The following NLGN1 variants were observed in gnomAD, a reference collection of about 807,000 sequenced individuals.
NLGN1 encodes the protein neuroligin 1.
NLGN1 carries 12 observed loss-of-function variants against 65.5 expected under a neutral mutation model. The observed-to-expected ratio is 0.18, with a 90% CI of 0.12 to 0.30. The LOEUF (loss-of-function observed/expected upper bound fraction) is 0.30. Ranked by LOEUF, NLGN1 falls within the 10% of genes least tolerant of loss-of-function variation. NLGN1 has a pLI of 1.00. For synonymous variants in NLGN1, 350 were observed against 359.5 expected, an observed-to-expected ratio of 0.97 and a Z score of 0.30; for missense variants, 750 against 1,007.1, an observed-to-expected ratio of 0.74 and a Z score of 3.46.
At chr3:173,799,575 A>G (rs1714947161) in intron 3 of NLGN1, among the ~76,000 whole-genome samples, 1 of 151,950 alleles carries the variant, frequency 6.6e-6, no homozygotes, top group Non-Finnish European at 1.5e-5. Flanking sequence ...CTCGGTAACT[A>G]CCTTAATAGC....
intron 4 of NLGN1, among the ~76,000 whole-genome samples, chr3:174,185,404 G>T (rs968033914): frequency 6.6e-6 from 1 of 151,974 alleles, no homozygotes; most frequent in Non-Finnish European, 1.5e-5. Context: ...GCCACTGAAC[G>T]CTTGAAATGT....
intron 3 of NLGN1, among the ~76,000 whole-genome samples, chr3:173,723,530 T>C (rs1246260875): frequency 6.6e-6 from 1 of 152,170 alleles, no homozygotes; most frequent in Admixed American, 6.5e-5. Flanking sequence ...TAAATTCAAA[T>C]GTGTAGTCCC....
At chr3:174,265,034 C>G (rs13067660) in intron 4 of NLGN1, among the ~76,000 whole-genome samples, 6 of 152,200 alleles carry the variant, frequency 3.9e-5, no homozygotes, top group Admixed American at 1.3e-4. Flanking sequence ...GCAGTCTGCC[C>G]GTTCTCAGAT....
intron 2 of NLGN1, among the ~76,000 whole-genome samples, chr3:173,504,531 G>A (rs1393728320): frequency 1.3e-5 from 2 of 151,920 alleles, no homozygotes; most frequent in Non-Finnish European, 2.9e-5. Flanking sequence ...TTGATATTAT[G>A]GAGACCCTTG....
chr3:173,741,829 C>G (rs1278588445), intron 3 of NLGN1, among the ~76,000 whole-genome samples: 1 of 152,084 alleles, frequency 6.6e-6, no homozygotes, highest in Non-Finnish European at 1.5e-5. Flanking sequence ...GAAACATAAT[C>G]ATGATCCAGC....
intron 4 of NLGN1, among the ~76,000 whole-genome samples, chr3:174,200,620 C>G (rs1350727259): frequency 6.6e-6 from 1 of 152,172 alleles, no homozygotes; most frequent in Non-Finnish European, 1.5e-5. Flanking sequence ...GGATAGATTT[C>G]ATAGAAAGTG....
At chr3:173,841,417 T>C (rs760676413) in intron 4 of NLGN1, among the ~76,000 whole-genome samples, 74 of 152,260 alleles carry the variant, frequency 4.9e-4, no homozygotes, top group African/African-American at 1.8e-3. Context: ...ATAAAATATG[T>C]GGAACAGGAG....
chr3:173,434,084 T>A (rs1717660531), intron 1 of NLGN1, among the ~76,000 whole-genome samples: 1 of 152,148 alleles, frequency 6.6e-6, no homozygotes, highest in Non-Finnish European at 1.5e-5. Context: ...AATTCTAGAA[T>A]CGACTTTAAT....
chr3:173,873,755 C>A (rs1264212676), intron 4 of NLGN1, among the ~76,000 whole-genome samples: 2 of 152,158 alleles, frequency 1.3e-5, no homozygotes, highest in African/African-American at 4.8e-5. Context: ...AGCTGCACAG[C>A]CTGTCTCTTG....
chr3:173,669,034 G>A (rs551631130), intron 3 of NLGN1, among the ~76,000 whole-genome samples: 1 of 152,314 alleles, frequency 6.6e-6, no homozygotes, highest in South Asian at 2.1e-4. Context: ...ATTATCATAA[G>A]TGTAAAGCTA....
At chr3:173,788,582 A>T (rs1397841637) in intron 3 of NLGN1, among the ~76,000 whole-genome samples, 1 of 152,118 alleles carries the variant, frequency 6.6e-6, no homozygotes, top group African/African-American at 2.4e-5. Flanking sequence ...AATGAAAAAA[A>T]ATCAAGAGCT....
At chr3:174,015,072 T>A (rs1560845185) in intron 4 of NLGN1, among the ~76,000 whole-genome samples, 1 of 152,178 alleles carries the variant, frequency 6.6e-6, no homozygotes, top group Non-Finnish European at 1.5e-5. Flanking sequence ...TTACCTTGTC[T>A]CAAAGTGGCG....
chr3:173,605,307 C>T (rs918927765), intron 3 of NLGN1, among the ~76,000 whole-genome samples: 1 of 152,028 alleles, frequency 6.6e-6, no homozygotes, highest in African/African-American at 2.4e-5. Context: ...CTTTCCTCCA[C>T]AGCACGTATA....
intron 1 of NLGN1, among the ~76,000 whole-genome samples, chr3:173,419,972 A>AAAAATAAAATAAAATAAAAT (rs750740710): frequency 3.8e-4 from 54 of 142,752 alleles, no homozygotes; most frequent in African/African-American, 1.4e-3. Context: ...ACTCAGTCTC[A>AAAAATAAAATAAAATAAAAT]AAAATAAAAT....
chr3:173,682,168 ATTATATGAAAGAG>A (rs1395533767), intron 3 of NLGN1, among the ~76,000 whole-genome samples: 1 of 152,182 alleles, frequency 6.6e-6, no homozygotes, highest in Admixed American at 6.6e-5. Context: ...TTTTGAAAGA[ATTATATGAAAGAG>A]TTTATGTACA....
intron 4 of NLGN1, among the ~76,000 whole-genome samples, chr3:174,133,590 G>A (rs530370239): frequency 5.1e-4 from 78 of 152,198 alleles, no homozygotes; most frequent in African/African-American, 1.9e-3. Context: ...AAGAGGCTTT[G>A]ACAATCCGAG....
intron 4 of NLGN1, among the ~76,000 whole-genome samples, chr3:173,881,581 C>G (rs9857081): frequency 2.1e-4 from 32 of 151,746 alleles, no homozygotes; most frequent in Non-Finnish European, 4.3e-4. Flanking sequence ...CCCGCCACCA[C>G]GCCTGGCTAA....
intron 4 of NLGN1, among the ~76,000 whole-genome samples, chr3:173,909,687 T>C (rs1739185490): frequency 1.3e-5 from 2 of 152,192 alleles, no homozygotes; most frequent in African/African-American, 2.4e-5. Context: ...CATTTACTTA[T>C]GTATTTTTTG....
chr3:173,578,131 G>A (rs1319226804), intron 2 of NLGN1, among the ~76,000 whole-genome samples: 1 of 151,902 alleles, frequency 6.6e-6, no homozygotes, highest in Non-Finnish European at 1.5e-5. Context: ...AGCTACTCGG[G>A]AGGCTGAGGC....
Sources: allele counts gnomAD v4.1 joint callset (sites outside exome capture counted in the v4.1 genomes callset), GRCh38; gene constraint gnomAD v4.1.1; transcripts MANE v1.5; gene names NCBI Gene and HGNC (gene_info 2026-07-23, HGNC 2026-07-21).